The following VEPH1 variants were observed in gnomAD, a reference collection of about 807,000 sequenced individuals.
VEPH1 encodes ventricular zone-expressed PH domain-containing protein homolog 1.
Under a neutral mutation model 85.2 loss-of-function variants are expected in VEPH1, and 80 were observed. The ratio of observed to expected loss-of-function variants is 0.94; its 90% CI spans 0.78 to 1.13. The LOEUF (loss-of-function observed/expected upper bound fraction) is 1.13. Among genes scored for constraint, VEPH1 ranks in the 50% most tolerant of loss-of-function variants. The probability of loss-of-function intolerance (pLI) is 0.00; values close to 1 mark genes in which losing one functional copy is unlikely to be tolerated. For missense variants in VEPH1, 955 were observed against 980.5 expected (o/e 0.97, Z 0.35); for synonymous variants, 297 against 348.0 (o/e 0.85, Z 1.63).
chr3:157,459,084 T>C (rs919855617), intron 4 of VEPH1, among the ~76,000 whole-genome samples: 1 of 152,232 alleles, frequency 6.6e-6, no homozygotes, highest in Non-Finnish European at 1.5e-5. Context: ...TTTCCCATCC[T>C]GCCACAGGCT....
intron 2 of VEPH1, among the ~76,000 whole-genome samples, chr3:157,480,787 A>G (rs1368746490): frequency 3.3e-5 from 5 of 152,140 alleles, no homozygotes; most frequent in Admixed American, 2.0e-4. Context: ...CTGGTAGAAT[A>G]ATTTATTTTC....
At chr3:157,430,080 A>T (rs773755543) in intron 4 of VEPH1, among the ~76,000 whole-genome samples, 96 of 152,362 alleles carry the variant, frequency 6.3e-4, no homozygotes, top group Non-Finnish European at 1.1e-3. Context: ...GTCATCAAAC[A>T]AATGTAGGCA....
intron 2 of VEPH1, among the ~76,000 whole-genome samples, chr3:157,474,890 A>G (rs1428244533): frequency 6.6e-6 from 1 of 152,006 alleles, no homozygotes; most frequent in Non-Finnish European, 1.5e-5. Context: ...AAACATCAAA[A>G]TGATTTGCTT....
chr3:157,376,645 G>GA (rs1728148696), intron 7 of VEPH1, among the ~76,000 whole-genome samples: 1 of 152,172 alleles, frequency 6.6e-6, no homozygotes, highest in African/African-American at 2.4e-5. Context: ...ACAGGAGCAG[G>GA]AAAAGTGCAA....
chr3:157,409,359 T>C (rs1248485833), intron 6 of VEPH1, among the ~76,000 whole-genome samples: 2 of 152,126 alleles, frequency 1.3e-5, no homozygotes, highest in Non-Finnish European at 2.9e-5. Flanking sequence ...AATCCTGGCA[T>C]TATAAAGAAC....
intron 9 of VEPH1, among the ~76,000 whole-genome samples, chr3:157,354,330 C>T (rs1725196734): frequency 6.6e-6 from 1 of 152,170 alleles, no homozygotes; most frequent in Non-Finnish European, 1.5e-5. Flanking sequence ...TATCTCCCCA[C>T]ACATTCTTCC....
chr3:157,438,071 A>C (rs933662504), intron 4 of VEPH1, among the ~76,000 whole-genome samples: 14 of 146,404 alleles, frequency 9.6e-5, no homozygotes, highest in Non-Finnish European at 1.5e-4. Context: ...ACACACACAC[A>C]CCCCTATTTC....
intron 1 of VEPH1, among the ~76,000 whole-genome samples, chr3:157,499,064 C>T (rs1447323530): frequency 2.6e-5 from 4 of 152,168 alleles, no homozygotes; most frequent in African/African-American, 4.8e-5. Flanking sequence ...GGTTAAGTAT[C>T]ATGCCCAAGG....
At chr3:157,446,667 C>T (rs1734578358) in intron 4 of VEPH1, among the ~76,000 whole-genome samples, 1 of 152,170 alleles carries the variant, frequency 6.6e-6, no homozygotes, top group Admixed American at 6.5e-5. Flanking sequence ...CCAGCATTGT[C>T]TTTCAGCCAC....
chr3:157,304,379 C>T (rs913019400), intron 11 of VEPH1, among the ~76,000 whole-genome samples: 4 of 151,980 alleles, frequency 2.6e-5, no homozygotes, highest in African/African-American at 9.7e-5. Flanking sequence ...TTTTGAGATC[C>T]CATTTCTGCA....
chr3:157,346,286 A>C (rs1239525519), intron 9 of VEPH1, among the ~76,000 whole-genome samples: 3 of 152,216 alleles, frequency 2.0e-5, no homozygotes, highest in Non-Finnish European at 4.4e-5. Context: ...TCTTATAGGA[A>C]TCAGAAGATC....
intron 13 of VEPH1, among the ~76,000 whole-genome samples, chr3:157,263,080 T>C (rs1713133197): frequency 6.6e-6 from 1 of 152,110 alleles, no homozygotes; most frequent in Admixed American, 6.5e-5. Flanking sequence ...AAGATTAGAG[T>C]CTTCCACTAG....
intron 12 of VEPH1, among the ~76,000 whole-genome samples, chr3:157,284,027 C>CA (rs1427422382): frequency 6.6e-6 from 1 of 152,166 alleles, no homozygotes; most frequent in Non-Finnish European, 1.5e-5. Context: ...GTAAGTGGAT[C>CA]AAGCCTTTAC....
intron 11 of VEPH1, among the ~76,000 whole-genome samples, chr3:157,299,943 T>G (rs1487440699): frequency 6.6e-6 from 1 of 152,182 alleles, no homozygotes; most frequent in Non-Finnish European, 1.5e-5. Flanking sequence ...TTATGTCTTT[T>G]GAATCTCACG....
intron 2 of VEPH1, among the ~76,000 whole-genome samples, chr3:157,481,973 A>T (rs1408875828): frequency 6.6e-6 from 1 of 152,100 alleles, no homozygotes; most frequent in South Asian, 2.1e-4. Flanking sequence ...CAAAGATCAG[A>T]TAGTTGTAGG....
At chr3:157,271,979 G>C (rs1169451704) in intron 12 of VEPH1, among the ~76,000 whole-genome samples, 1 of 152,172 alleles carries the variant, frequency 6.6e-6, no homozygotes, top group Non-Finnish European at 1.5e-5. Flanking sequence ...AAGAGCTAAG[G>C]GTCCTGGGAA....
chr3:157,485,054 T>C (rs151303037), intron 2 of VEPH1, among the ~76,000 whole-genome samples: 13 of 152,312 alleles, frequency 8.5e-5, no homozygotes, highest in African/African-American at 2.9e-4. Context: ...TTCCATATAG[T>C]GCCCAGTTAT....
chr3:157,313,504 TA>T, intron 11 of VEPH1, 116 bp downstream of exon 11: 1 of 1,205,886 alleles, frequency 8.3e-7, no homozygotes, highest in Non-Finnish European at 1.1e-6. Flanking sequence ...TTTATGATAA[TA>T]ATAAAAGAAA....
At chr3:157,466,440 C>T (rs1014080115) in intron 3 of VEPH1, among the ~76,000 whole-genome samples, 6 of 152,210 alleles carry the variant, frequency 3.9e-5, no homozygotes, top group Admixed American at 2.0e-4. Context: ...CAGCTGGATG[C>T]TCATTTTCGT....
Sources: gnomAD v4.1 joint callset for allele counts (sites outside exome capture counted in the v4.1 genomes callset) on GRCh38, gnomAD v4.1.1 for gene constraint, MANE v1.5 for transcripts, NCBI Gene and HGNC (gene_info 2026-07-23, HGNC 2026-07-21) for gene names.